AMOT: variants seen among roughly 807,000 people sequenced by gnomAD.
AMOT encodes angiomotin.
AMOT carries 11 observed loss-of-function variants against 67.0 expected under a neutral mutation model. The ratio of observed to expected loss-of-function variants is 0.16; its 90% CI spans 0.10 to 0.27. AMOT has a LOEUF of 0.27. Ranked by LOEUF, AMOT falls within the 10% of genes least tolerant of loss-of-function variation. The pLI, the probability that AMOT is intolerant of heterozygous loss-of-function variation, is 1.00. For missense variants in AMOT, 753 were observed against 852.0 expected, an observed-to-expected ratio of 0.88 and a Z score of 1.45; for synonymous variants, 326 against 321.4, an observed-to-expected ratio of 1.01 and a Z score of -0.15.
At chrX:112,800,732 C>A (rs920829148) in intron 8 of AMOT, among the ~76,000 whole-genome samples, 2 of 109,172 alleles carry the variant, frequency 1.8e-5, no homozygotes, top group African/African-American at 7.0e-5. Context: ...AAAATATTAG[C>A]CCTTAAGAAC....
intron 8 of AMOT, among the ~76,000 whole-genome samples, chrX:112,796,266 G>T (rs1329262904): frequency 2.7e-5 from 3 of 112,076 alleles, no homozygotes; most frequent in Non-Finnish European, 5.6e-5. Context: ...ACTATATAAT[G>T]TGTGTTCTTG....
chrX:112,836,532 T>C (rs1935134881), intron 1 of AMOT, among the ~76,000 whole-genome samples: 1 of 110,967 alleles, frequency 9.0e-6, no homozygotes, highest in Admixed American at 9.7e-5. Flanking sequence ...ATTGTATATA[T>C]CTGTGGCTCC....
At chrX:112,838,944 G>C (rs898960499) in intron 1 of AMOT, among the ~76,000 whole-genome samples, 1 of 112,139 alleles carries the variant, frequency 8.9e-6, no homozygotes, top group African/African-American at 3.2e-5. Flanking sequence ...GTAAATAGAG[G>C]CAACTACTCT....
chrX:112,821,717 C>G (rs1330065629), intron 4 of AMOT, among the ~76,000 whole-genome samples: 1 of 111,954 alleles, frequency 8.9e-6, no homozygotes, highest in Non-Finnish European at 1.9e-5. Context: ...AACCTACATA[C>G]ATACATAGCT....
At position 112,779,459 on chromosome X, in the gene AMOT, T is replaced by C. The variant is rs147791527; in HGVS notation, c.2695A>G (p.Thr899Ala). 1,456 of 1,197,473 alleles carry C rather than the reference T, an allele frequency of 1.2e-3. 13 individuals are homozygous for C. In the African/African-American group the frequency reaches 0.022, roughly 18 times the overall value. ...ATGGTGGTGGTGATGGTGGCAGCAG[T>C]GGCAGTGATGGCGGCAGCAGTGGCG... The part of the protein sequence containing the change: ...AAATAAAITA[T>A]AATITTTMVA... The change falls in exon 13 of 14, where the codon ACT becomes GCT. Residue 899 changes from threonine to alanine, a missense_variant. This residue lies in a region of AMOT where 269 missense variants were observed against 300.9 expected (regional missense o/e 0.89). Transcript: ENST00000371959.
chrX:112,818,371 G>GA (rs1934625437), intron 4 of AMOT, among the ~76,000 whole-genome samples: 1 of 111,295 alleles, frequency 9.0e-6, no homozygotes, highest in African/African-American at 3.3e-5. Context: ...AGACCATGAG[G>GA]TCTCCAGAAG....
Position 112,822,854 on chromosome X carries a change from G to C in AMOT, c.273C>G (p.Ile91Met). The change falls in exon 4 of 14, where the codon ATC becomes ATG. Residue 91 changes from isoleucine to methionine, a missense_variant. Coordinates refer to ENST00000371959, the MANE Select transcript of AMOT (RefSeq NM_001113490.2). ...QGQEIQSENLIMEKQLSPRMQ... is the reference protein window; with the variant it reads ...QGQEIQSENLMMEKQLSPRMQ... ...TTCGAGGAGACAGCTGCTTCTCCAT[G>C]ATGAGGTTTTCTGACTGGATTTCCT... 1.7e-6 allele frequency: 2 copies of C among 1,167,948 alleles called. No individual in the cohort carries two copies. The highest frequency in any genetic ancestry group is 1.9e-5 in the South Asian group (1 of 52,665).
intron 2 of AMOT, among the ~76,000 whole-genome samples, 183 bp downstream of exon 2, chrX:112,832,111 G>A (rs1401694718): frequency 9.0e-6 from 1 of 111,255 alleles, no homozygotes; most frequent in Non-Finnish European, 1.9e-5. Context: ...GAGGGCATGG[G>A]CGGGGTGCGT....
intron 7 of AMOT, among the ~76,000 whole-genome samples, chrX:112,807,183 A>G (rs1226401049): frequency 9.0e-6 from 1 of 110,776 alleles, no homozygotes; most frequent in Admixed American, 9.7e-5. Context: ...AGCCCTTTCT[A>G]GTGATCCTGC....
chrX:112,793,657 C>T (rs1341300181), intron 8 of AMOT, among the ~76,000 whole-genome samples: 2 of 112,224 alleles, frequency 1.8e-5, no homozygotes, highest in Non-Finnish European at 3.8e-5. Context: ...AAACCTTTTT[C>T]GACTTTTGTT....
intron 9 of AMOT, among the ~76,000 whole-genome samples, chrX:112,791,591 G>A (rs1430131547): frequency 1.8e-5 from 2 of 111,965 alleles, no homozygotes; most frequent in Non-Finnish European, 3.8e-5. Flanking sequence ...GAGTTCATGT[G>A]AAAATAAAAG....
intron 5 of AMOT, among the ~76,000 whole-genome samples, chrX:112,814,669 G>GACCAAACCACA: frequency 8.9e-6 from 1 of 112,162 alleles, no homozygotes; most frequent in South Asian, 3.8e-4. Context: ...GTGAACTGGA[G>GACCAAACCACA]ATACACTCCT....
chrX:112,791,768 A>G, intron 9 of AMOT, 64 bp downstream of exon 9: 1 of 1,165,319 alleles, frequency 8.6e-7, no homozygotes, highest in South Asian at 1.9e-5. Context: ...CTGAAAAATA[A>G]GCAACCAGGA....
At chrX:112,821,623 C>T (rs1466626470) in intron 4 of AMOT, among the ~76,000 whole-genome samples, 1 of 111,351 alleles carries the variant, frequency 9.0e-6, no homozygotes, top group Non-Finnish European at 1.9e-5. Context: ...AAAAATGTGA[C>T]AGGCAACTAA....
At chrX:112,825,730 A>G (rs757376208) in intron 2 of AMOT, among the ~76,000 whole-genome samples, 1 of 110,353 alleles carries the variant, frequency 9.1e-6, no homozygotes, top group South Asian at 4.0e-4. Flanking sequence ...AGGGGAGGGG[A>G]AGAACCTTCT....
In AMOT at chrX:112,782,613, G is replaced by C; in HGVS notation, c.2167C>G (p.Leu723Val). ...HSPNTSYDTALEARIQKEEEE... is the reference protein window; with the variant it reads ...HSPNTSYDTAVEARIQKEEEE... ...TCCTCTTTCTGGATGCGAGCTTCTA[G>C]AGCTGTGTCATAGCTGGTGTTAGGA... is the stretch of plus-strand genomic sequence containing the variant. Residue 723 changes from leucine to valine, a missense_variant, in exon 11 of 14, where the codon CTA (leucine) becomes GTA (valine). Physicochemically the swap from Leu to Val is conservative, Grantham distance 32. This residue lies in a region of AMOT where 269 missense variants were observed against 300.9 expected (regional missense o/e 0.89). Coordinates refer to ENST00000371959, the MANE Select transcript of AMOT (RefSeq NM_001113490.2). 8.3e-7 allele frequency: 1 copy of C among 1,211,705 alleles called. No homozygotes were observed. The highest frequency in any genetic ancestry group is 1.1e-6 in the Non-Finnish European group (1 of 895,341).
chrX:112,788,568 A>C (rs1251903138), intron 10 of AMOT, among the ~76,000 whole-genome samples: 1 of 112,454 alleles, frequency 8.9e-6, no homozygotes, highest in Non-Finnish European at 1.9e-5. Context: ...CGTAAGAGGC[A>C]CTATCACTGG....
rs773748050 is a variant in AMOT at position 112,782,608 on chromosome X, T to G, written c.2172A>C (p.Glu724Asp). The part of the protein sequence containing the change: ...SPNTSYDTAL[E>D]ARIQKEEEEI... ...CTTCCTCCTCTTTCTGGATGCGAGC[T>G]TCTAGAGCTGTGTCATAGCTGGTGT... The change falls in exon 11 of 14, where the codon GAA (glutamate) becomes GAC (aspartate). Residue 724 changes from glutamate (E) to aspartate (D), a missense_variant. Transcript: ENST00000371959. The G allele has an allele frequency of 5.0e-6, 6 of 1,211,100 alleles. No individual in the cohort carries two copies.
At chrX:112,836,496 T>C (rs914895121) in intron 1 of AMOT, among the ~76,000 whole-genome samples, 1 of 111,304 alleles carries the variant, frequency 9.0e-6, no homozygotes, top group Non-Finnish European at 1.9e-5. Flanking sequence ...AGTTAAGTCT[T>C]GGGTGGGCTC....
Sources: allele counts gnomAD v4.1 joint callset (sites outside exome capture counted in the v4.1 genomes callset), GRCh38; gene constraint gnomAD v4.1.1; regional missense constraint gnomAD v4.1.1; transcripts MANE v1.5; gene names NCBI Gene and HGNC (gene_info 2026-07-23, HGNC 2026-07-21).